The following PRKCH variants were observed in gnomAD, a reference collection of about 807,000 sequenced individuals.
PRKCH encodes the protein protein kinase C eta type.
Under a neutral mutation model 82.5 loss-of-function variants are expected in PRKCH, and 28 were observed. That is an observed-to-expected ratio of 0.34 (90% CI 0.25 to 0.47). The LOEUF is 0.47. Ranked by LOEUF, PRKCH falls within the 20% of genes least tolerant of loss-of-function variation. The pLI is 1.00. For synonymous variants in PRKCH, 322 were observed against 327.4 expected (o/e 0.98, Z 0.18); for missense variants, 705 against 881.8 (o/e 0.80, Z 2.54).
At chr14:61,452,446 C>T (rs1385273377) in intron 6 of PRKCH, among the ~76,000 whole-genome samples, 1 of 152,132 alleles carries the variant, frequency 6.6e-6, no homozygotes, top group Non-Finnish European at 1.5e-5. Context: ...CACCTCCCAT[C>T]AGCAGGGCCC....
intron 1 of PRKCH, among the ~76,000 whole-genome samples, chr14:61,315,207 C>T (rs2045552050): frequency 6.6e-6 from 1 of 152,142 alleles, no homozygotes; most frequent in Non-Finnish European, 1.5e-5. Flanking sequence ...CTGCAAACCA[C>T]TCTCTCCTGC....
At chr14:61,324,531 T>A (rs929020931) in intron 1 of PRKCH, among the ~76,000 whole-genome samples, 2 of 152,220 alleles carry the variant, frequency 1.3e-5, no homozygotes, top group Admixed American at 6.5e-5. Context: ...CAGAGTGTTG[T>A]TTCTTTTCTT....
chr14:61,270,146 T>C (rs1198488345), intron 1 of PRKCH, among the ~76,000 whole-genome samples: 2 of 152,152 alleles, frequency 1.3e-5, no homozygotes, highest in Non-Finnish European at 2.9e-5. Context: ...CTACTTAGAT[T>C]GCATGGCCTC....
intron 1 of PRKCH, among the ~76,000 whole-genome samples, chr14:61,259,383 CACTG>C (rs1246278253): frequency 2.0e-5 from 3 of 152,182 alleles, no homozygotes; most frequent in Admixed American, 6.5e-5. Context: ...TCTTCATTCA[CACTG>C]ACTGACTAAC....
chr14:61,453,643 C>T (rs1421510694), intron 7 of PRKCH, among the ~76,000 whole-genome samples: 1 of 149,968 alleles, frequency 6.7e-6, no homozygotes, highest in Admixed American at 6.7e-5. Flanking sequence ...TCCCCTTCCC[C>T]TTCCCCTTCC....
At chr14:61,229,861 G>A (rs1402845119) in intron 1 of PRKCH, among the ~76,000 whole-genome samples, 2 of 152,158 alleles carry the variant, frequency 1.3e-5, no homozygotes, top group Non-Finnish European at 2.9e-5. Flanking sequence ...GTGCACAGAA[G>A]CCAGTCAGAA....
chr14:61,549,450 C>A (rs553452206), intron 13 of PRKCH, among the ~76,000 whole-genome samples: 1 of 152,192 alleles, frequency 6.6e-6, no homozygotes, highest in Admixed American at 6.5e-5. Flanking sequence ...GACAGGCCTG[C>A]TCAGCAAGAT....
chr14:61,347,238 T>G (rs1329025976), intron 1 of PRKCH, among the ~76,000 whole-genome samples: 2 of 152,268 alleles, frequency 1.3e-5, no homozygotes, highest in Admixed American at 1.3e-4. Context: ...AATTACTTTT[T>G]TAAAATGCAA....
chr14:61,525,700 G>A (rs980697850), intron 10 of PRKCH: 2 of 152,226 alleles, frequency 1.3e-5, no homozygotes, highest in Non-Finnish European at 1.5e-5. Flanking sequence ...GACCGTTTTG[G>A]ATTTCTGTTA....
intron 1 of PRKCH, among the ~76,000 whole-genome samples, chr14:61,334,273 G>A (rs923239144): frequency 6.6e-6 from 1 of 152,094 alleles, no homozygotes; most frequent in Non-Finnish European, 1.5e-5. Context: ...CCAGCATCTC[G>A]GCTCTCCAGC....
intron 2 of PRKCH, among the ~76,000 whole-genome samples, chr14:61,427,610 A>G (rs1883176069): frequency 6.6e-6 from 1 of 152,090 alleles, no homozygotes; most frequent in Non-Finnish European, 1.5e-5. Flanking sequence ...TTTTTGAGAC[A>G]GGGTCTCACT....
intron 10 of PRKCH, among the ~76,000 whole-genome samples, chr14:61,519,156 G>A (rs759831037): frequency 1.6e-4 from 25 of 152,066 alleles, no homozygotes; most frequent in Non-Finnish European, 3.5e-4. Context: ...GGTGATGTGT[G>A]CCTGGAGTGC....
intron 10 of PRKCH, among the ~76,000 whole-genome samples, chr14:61,490,690 G>A (rs1886415123): frequency 6.6e-6 from 1 of 152,202 alleles, no homozygotes; most frequent in African/African-American, 2.4e-5. Context: ...AAGGTGGGCA[G>A]ATCTGTTGAG....
chr14:61,246,246 A>G (rs1392505549), intron 1 of PRKCH, among the ~76,000 whole-genome samples: 1 of 75,260 alleles, frequency 1.3e-5, no homozygotes, highest in Non-Finnish European at 2.6e-5. Flanking sequence ...TCTCTACTGG[A>G]AAAAAAAAAA....
At chr14:61,251,060 A>G (rs867577563) in intron 1 of PRKCH, among the ~76,000 whole-genome samples, 1 of 152,218 alleles carries the variant, frequency 6.6e-6, no homozygotes, top group South Asian at 2.1e-4. Context: ...TTGTGGGTAC[A>G]TAATAGGTGT....
rs533918203 is a variant in PRKCH at position 61,441,812 on chromosome 14, T to A, written c.428-1299T>A. ...CTTTGGATGCCTTTAGAGTTTATTA[T>A]CCCTTTAAAAAAATTTTTTTAAGAG... On this transcript the variant is annotated intron_variant, in intron 2 of 13. Coordinates refer to ENST00000332981, the MANE Select transcript of PRKCH (RefSeq NM_006255.5). Among the ~76,000 whole-genome samples, 85 of 151,700 alleles carry A rather than the reference T, an allele frequency of 5.6e-4. No homozygotes were observed. The Middle Eastern group carries it at 0.01, about 18-fold the overall frequency.
Position 61,391,258 on chromosome 14 carries a change from G to A in PRKCH, c.397G>A (p.Val133Ile). 6.2e-7 allele frequency: 1 copy of A among 1,611,188 alleles called. No homozygotes were observed. The highest frequency in any genetic ancestry group is 8.5e-7 in the Non-Finnish European group (1 of 1,178,728). ...CGAGCCAGAGGGGAAAGTATTTGTGGTAATAACCCTTACCGGGAGTTTCAC... is the reference window on the plus strand; with the variant it reads ...CGAGCCAGAGGGGAAAGTATTTGTGATAATAACCCTTACCGGGAGTTTCAC... ...DLEPEGKVFV[V>I]ITLTGSFTEA... Residue 133 changes from valine to isoleucine, a missense_variant, in exon 2 of 14, where the codon GTA (valine) becomes ATA (isoleucine). By Grantham distance (29) the Val-to-Ile change is conservative (BLOSUM62 3). Coordinates refer to ENST00000332981, the MANE Select transcript of PRKCH (RefSeq NM_006255.5).
intron 1 of PRKCH, among the ~76,000 whole-genome samples, chr14:61,229,919 T>G (rs956561229): frequency 3.9e-5 from 6 of 152,356 alleles, no homozygotes; most frequent in Non-Finnish European, 8.8e-5. Context: ...CCCCCTCTGC[T>G]TTTTAAAGCT....
In PRKCH at chr14:61,486,207, GA is replaced by G. The variant is rs147218269; in HGVS notation, c.1433+553del. 3.7e-3 allele frequency among the ~76,000 whole-genome samples: 562 copies of G among 152,222 alleles called. 3 individuals carry two copies. Among genetic ancestry groups the G allele is most frequent in the African/African-American group, 0.012 (511 of 41,548 alleles). Reference sequence around the variant, plus strand: ...TTCTCTTTTTTTCATTTTAACATTTGAAGTGAATCCCTTAACCATGATTCTA... The same window carrying G: ...TTCTCTTTTTTTCATTTTAACATTTGAGTGAATCCCTTAACCATGATTCTA... On this transcript the variant is annotated intron_variant, in intron 10 of 13. Coordinates refer to ENST00000332981, the MANE Select transcript of PRKCH (RefSeq NM_006255.5).
Sources: allele counts gnomAD v4.1 joint callset (sites outside exome capture counted in the v4.1 genomes callset), GRCh38; gene constraint gnomAD v4.1.1; transcripts MANE v1.5; gene names NCBI Gene and HGNC (gene_info 2026-07-23, HGNC 2026-07-21).